CPEB4: variants seen among roughly 807,000 people sequenced by gnomAD.
CPEB4 encodes the protein cytoplasmic polyadenylation element binding protein 4, also known as cytoplasmic polyadenylation element-binding protein 4.
Under a neutral mutation model 72.5 loss-of-function variants are expected in CPEB4, and 12 were observed. The ratio of observed to expected loss-of-function variants is 0.17; its 90% confidence interval spans 0.11 to 0.27. CPEB4 has a LOEUF of 0.27. Among genes scored for constraint, CPEB4 ranks in the 10% least tolerant of loss-of-function variants. CPEB4 has a pLI of 1.00. For missense variants in CPEB4, 614 were observed against 908.5 expected, an observed-to-expected ratio of 0.68 and a Z score of 4.17; for synonymous variants, 302 against 326.3, an observed-to-expected ratio of 0.93 and a Z score of 0.80.
intron 1 of CPEB4, 148 bp from the exon 2 acceptor site, chr5:173,910,375 G>A: frequency 1.2e-5 from 7 of 579,292 alleles, no homozygotes; most frequent in Non-Finnish European, 1.9e-5. Context: ...GATGTTTGGT[G>A]TTAATAATAA....
At chr5:173,937,568 G>A (rs539239951) in intron 3 of CPEB4, among the ~76,000 whole-genome samples, 21 of 152,110 alleles carry the variant, frequency 1.4e-4, no homozygotes, top group Non-Finnish European at 2.4e-4. Flanking sequence ...AAACTCTAAA[G>A]TGCTCTACAA....
Position 173,955,713 on chromosome 5 carries a change from T to A in CPEB4, c.1963-197T>A, listed in dbSNP as rs1758358017. Among the ~76,000 whole-genome samples, 1 of 152,090 alleles carries A rather than the reference T, an allele frequency of 6.6e-6. No homozygotes were observed. ...GGATGTTTATTTAATAAGAAAAAAA[T>A]GTAAAATGATAGATAATAAAAGCCT... On this transcript the variant is annotated intron_variant, in intron 9 of 9. Transcript: ENST00000265085. This position sits in a 1 kb window ranked among gnomAD's most constrained non-coding sequence, Gnocchi z 4.7.
In CPEB4 at chr5:173,956,342, T is replaced by C. The variant is rs1758376871; in HGVS notation, c.*205T>C. Reference sequence around the variant, plus strand: ...AAACAATATGAACTCCTTTTTCGTATTGCCATCGGGTTGCATGGAAGTTTT... The same window carrying C: ...AAACAATATGAACTCCTTTTTCGTACTGCCATCGGGTTGCATGGAAGTTTT... On this transcript the variant is annotated 3_prime_UTR_variant, in exon 10 of 10. Coordinates refer to ENST00000265085, the MANE Select transcript of CPEB4 (RefSeq NM_030627.4). 2.1e-6 allele frequency: 1 copy of C among 478,686 alleles called. No homozygotes were observed. The highest frequency in any genetic ancestry group is 3.7e-6 in the Non-Finnish European group (1 of 269,936). The allele number at this position is 478,686 out of a possible 1,614,324, so 29.7% of individuals were successfully genotyped here.
At chr5:173,912,092 T>C (rs1756686257) in intron 2 of CPEB4, among the ~76,000 whole-genome samples, 1 of 152,196 alleles carries the variant, frequency 6.6e-6, no homozygotes, top group African/African-American at 2.4e-5. Context: ...TTGGAAGGTC[T>C]TTACTGAGTT....
At chr5:173,891,512 T>C (rs1275559516) in intron 1 of CPEB4, 1 of 152,230 alleles carries the variant, frequency 6.6e-6, no homozygotes, top group Non-Finnish European at 1.5e-5. Flanking sequence ...TTGAACACTG[T>C]GAAACTGTTC....
At chr5:173,949,195 C>T (rs1464281651) in intron 5 of CPEB4, among the ~76,000 whole-genome samples, 2 of 152,146 alleles carry the variant, frequency 1.3e-5, no homozygotes, top group African/African-American at 4.8e-5. Flanking sequence ...AGTGACCCTG[C>T]TTTGAGCAGA....
intron 1 of CPEB4, among the ~76,000 whole-genome samples, chr5:173,909,484 A>G (rs1323442104): frequency 6.6e-6 from 1 of 151,946 alleles, no homozygotes; most frequent in Non-Finnish European, 1.5e-5. Context: ...TCTGTGCTTC[A>G]TTATTCCAGA....
intron 1 of CPEB4, 94 bp from the exon 2 acceptor site, chr5:173,910,428 CT>C: frequency 1.2e-6 from 1 of 818,848 alleles, no homozygotes; most frequent in Non-Finnish European, 2.1e-6. Context: ...AAAATTGCTA[CT>C]TTGTGATCTG....
intron 1 of CPEB4, among the ~76,000 whole-genome samples, chr5:173,897,975 T>A (rs143036199): frequency 9.9e-4 from 151 of 152,278 alleles, no homozygotes; most frequent in African/African-American, 3.5e-3. Flanking sequence ...AAAGAAAAAC[T>A]CCATCAGCTA....
At position 173,889,559 on chromosome 5, in the gene CPEB4, C is replaced by A. The variant is rs969574620; in HGVS notation, c.-175C>A. The A allele has an allele frequency of 4.0e-6, 2 of 503,716 alleles. No individual in the cohort carries two copies. The highest frequency in any genetic ancestry group is 3.7e-5 in the Admixed American group (1 of 26,700). The allele number at this position is 503,716 out of a possible 1,614,324, so 31.2% of individuals were successfully genotyped here. On this transcript the variant is annotated 5_prime_UTR_variant, in exon 1 of 10. Coordinates refer to ENST00000265085, the MANE Select transcript of CPEB4 (RefSeq NM_030627.4). The stretch of plus-strand genomic sequence containing the variant: ...TAAGAGTTGTTTTTTCTTTCAGAGA[C>A]CAGAATTCCAAATCAGAACAATTTA...
chr5:173,889,862 TTTTATAAATAATAACACA>T lies in CPEB4; in HGVS notation c.130_147del (p.Phe44_Thr49del). On this transcript the variant is annotated inframe_deletion, in exon 1 of 10. Coordinates refer to ENST00000265085, the MANE Select transcript of CPEB4 (RefSeq NM_030627.4). ...AAAATGCCACCCCCAGCCCTGCTGC[TTTTATAAATAATAACACA>T]GCTGCCAATGGCAGCAGTGCTGGGT... 1 of 1,614,212 alleles carries T rather than the reference TTTTATAAATAATAACACA, an allele frequency of 6.2e-7. No homozygotes were observed. The highest frequency in any genetic ancestry group is 8.5e-7 in the Non-Finnish European group (1 of 1,180,028).
chr5:173,911,774 A>T (rs1170371702), intron 2 of CPEB4, among the ~76,000 whole-genome samples: 3 of 134,580 alleles, frequency 2.2e-5, no homozygotes, highest in Non-Finnish European at 4.6e-5. Flanking sequence ...TCATTCATTC[A>T]TTCATTCATT....
At chr5:173,909,368 A>G (rs1756556237) in intron 1 of CPEB4, among the ~76,000 whole-genome samples, 1 of 152,160 alleles carries the variant, frequency 6.6e-6, no homozygotes, top group South Asian at 2.1e-4. Context: ...ACCTAATAAC[A>G]CGTTGCATTG....
chr5:173,917,545 G>A (rs539416764), intron 2 of CPEB4, among the ~76,000 whole-genome samples: 2 of 152,306 alleles, frequency 1.3e-5, no homozygotes, highest in East Asian at 3.9e-4. Context: ...TGGCCAACAT[G>A]GTGAAACCCG....
rs1756211637 is a variant in CPEB4, at chr5:173,900,963, T to G, written c.1126-9560T>G. ...TCACTTGCTTAGTATGTTTGATACT[T>G]AGTATCACAAGTATCAAAGCTTGTG... On this transcript the variant is annotated intron_variant, in intron 1 of 9. Coordinates refer to ENST00000265085, the MANE Select transcript of CPEB4 (RefSeq NM_030627.4). The surrounding 1 kb of genome is among the most constrained non-coding windows in gnomAD (Gnocchi z 4.4). Among the ~76,000 whole-genome samples, 1 of 152,202 alleles carries G rather than the reference T, an allele frequency of 6.6e-6. No homozygotes were observed. Among genetic ancestry groups the G allele is most frequent in the Non-Finnish European group, 1.5e-5 (1 of 68,036 alleles).
intron 3 of CPEB4, among the ~76,000 whole-genome samples, chr5:173,940,355 T>C (rs1581159075): frequency 6.6e-6 from 1 of 152,210 alleles, no homozygotes; most frequent in Non-Finnish European, 1.5e-5. Context: ...TAACTTACAC[T>C]TCCTCGGATA....
Position 173,959,136 on chromosome 5 carries a change from A to C in CPEB4, c.*2999A>C, listed in dbSNP as rs553532318. On this transcript the variant is annotated 3_prime_UTR_variant, in exon 10 of 10. Transcript: ENST00000265085. ...ACTCAAACATAATTAACATGTAATT[A>C]GTTTACAGATTGTAGGGCATCACTT... 6.9e-6 allele frequency: 1 copy of C among 144,986 alleles called. No individual in the cohort carries two copies. Among genetic ancestry groups the C allele is most frequent in the African/African-American group, 2.4e-5 (1 of 41,404 alleles). 9.0% of individuals were successfully genotyped at this position (144,986 alleles called of 1,614,324 possible).
rs189580250 is a variant in CPEB4 at position 173,940,070 on chromosome 5, C to T, written c.1259-2956C>T. Among the ~76,000 whole-genome samples, 13 of 151,426 alleles carry T rather than the reference C, an allele frequency of 8.6e-5. No homozygotes were observed. In the East Asian group the frequency reaches 1.2e-3, roughly 14 times the overall value. On this transcript the variant is annotated intron_variant, in intron 3 of 9. Coordinates refer to ENST00000265085, the MANE Select transcript of CPEB4 (RefSeq NM_030627.4). ...TTGCAGTGAGCTGAGATCGTGCCAC[C>T]GCACTCCAGCCTGGGCGAGAATCCA...
rs370259283 is a variant in CPEB4, at chr5:173,904,972, GATAATAATA to G, written c.1126-5513_1126-5505del. Among the ~76,000 whole-genome samples the G allele has an allele frequency of 1.7e-3, 218 of 125,236 alleles. 1 individual carries two copies. The highest frequency in any genetic ancestry group is 8.0e-3 in the East Asian group (37 of 4,644). The allele number at this position is 125,236 out of a possible 152,430, so 82.2% of individuals were successfully genotyped here. On this transcript the variant is annotated intron_variant, in intron 1 of 9. Transcript: ENST00000265085. ...GGCAACAGAGTGAGACCCTGTCTCA[GATAATAATA>G]ATAATAATAATAATAATAATAATAA...
Sources: allele counts gnomAD v4.1 joint callset (sites outside exome capture counted in the v4.1 genomes callset), GRCh38; gene constraint gnomAD v4.1.1; non-coding constraint Gnocchi (gnomAD v3.1); transcripts MANE v1.5; gene names NCBI Gene and HGNC (gene_info 2026-07-23, HGNC 2026-07-21).